SMYD3: variants seen among roughly 807,000 people sequenced by gnomAD.
SMYD3 encodes the protein histone-lysine N-methyltransferase SMYD3.
A neutral mutation model predicts 57.7 loss-of-function variants in SMYD3; 36 were observed. That is an observed-to-expected ratio of 0.62 (90% confidence interval 0.48 to 0.82). SMYD3 has a LOEUF of 0.82. SMYD3 is among the 40% of genes least tolerant of loss of function. SMYD3 has a pLI of 0.00. For synonymous variants in SMYD3, 211 were observed against 195.0 expected, an observed-to-expected ratio of 1.08 and a Z score of -0.68; for missense variants, 515 against 538.8, an observed-to-expected ratio of 0.96 and a Z score of 0.44.
chr1:245,911,437 C>T (rs1447602518), intron 8 of SMYD3, among the ~76,000 whole-genome samples: 1 of 150,804 alleles, frequency 6.6e-6, no homozygotes, highest in African/African-American at 2.4e-5. Context: ...CTGCACTATT[C>T]AAAATAGCCA....
At chr1:246,413,595 G>A (rs1266610696) in intron 1 of SMYD3, among the ~76,000 whole-genome samples, 2 of 152,084 alleles carry the variant, frequency 1.3e-5, no homozygotes, top group Non-Finnish European at 2.9e-5. Flanking sequence ...GATCTCTCGT[G>A]GCCCAGTGCT....
chr1:246,024,278 G>A (rs1471151446), intron 5 of SMYD3, among the ~76,000 whole-genome samples: 1 of 152,016 alleles, frequency 6.6e-6, no homozygotes, highest in African/African-American at 2.4e-5. Flanking sequence ...AACAACAAAA[G>A]GTTAAAGATG....
rs372910910 is a variant in SMYD3 at position 246,195,636 on chromosome 1, C to A, written c.531+131565G>T. On this transcript the variant is annotated intron_variant, in intron 5 of 11. Transcript: ENST00000490107. Reference sequence around the variant, plus strand: ...GCGCACACACACACACACACACGCACTGAAAGAATATTATAACCATTCACC... The same window carrying A: ...GCGCACACACACACACACACACGCAATGAAAGAATATTATAACCATTCACC... Among the ~76,000 whole-genome samples, 151 of 152,284 alleles carry A rather than the reference C, an allele frequency of 9.9e-4. 1 individual carries two copies. Among genetic ancestry groups the A allele is most frequent in the African/African-American group, 3.6e-3 (150 of 41,570 alleles).
At chr1:246,186,303 G>A (rs1433139067) in intron 5 of SMYD3, among the ~76,000 whole-genome samples, 2 of 152,128 alleles carry the variant, frequency 1.3e-5, no homozygotes, top group African/African-American at 4.8e-5. Flanking sequence ...TGCAAAACTA[G>A]TCAATATGCA....
intron 1 of SMYD3, among the ~76,000 whole-genome samples, chr1:246,496,697 G>A (rs145260456): frequency 0.017 from 2,549 of 152,154 alleles, 36 homozygotes; most frequent in Non-Finnish European, 0.026. Flanking sequence ...GCATGGTGGT[G>A]CATGCCTGTG....
chr1:246,460,552 C>T (rs2067783199), intron 1 of SMYD3, among the ~76,000 whole-genome samples: 1 of 152,148 alleles, frequency 6.6e-6, no homozygotes, highest in Admixed American at 6.5e-5. Context: ...GTATGTATAT[C>T]TCACTGTGGG....
chr1:246,309,605 T>C (rs2148629728), intron 5 of SMYD3, among the ~76,000 whole-genome samples: 1 of 152,280 alleles, frequency 6.6e-6, no homozygotes, highest in South Asian at 2.1e-4. Flanking sequence ...TGAAATTACA[T>C]TCAGAAAAAA....
At chr1:246,350,235 A>G (rs2065801647) in intron 2 of SMYD3, among the ~76,000 whole-genome samples, 1 of 152,188 alleles carries the variant, frequency 6.6e-6, no homozygotes, top group Non-Finnish European at 1.5e-5. Flanking sequence ...AATCATGGGC[A>G]TTTGTCACTG....
chr1:246,438,389 G>A (rs143847859), intron 1 of SMYD3, among the ~76,000 whole-genome samples: 3 of 152,104 alleles, frequency 2.0e-5, no homozygotes, highest in African/African-American at 7.2e-5. Flanking sequence ...ACCATCAAGA[G>A]CACAGGCTTA....
At chr1:245,852,370 G>A (rs1332937523) in intron 10 of SMYD3, among the ~76,000 whole-genome samples, 1 of 152,226 alleles carries the variant, frequency 6.6e-6, no homozygotes, top group African/African-American at 2.4e-5. Flanking sequence ...GGCAATGAAG[G>A]TCTTTACCCA....
At chr1:246,047,957 T>C (rs529770432) in intron 5 of SMYD3, among the ~76,000 whole-genome samples, 1 of 152,296 alleles carries the variant, frequency 6.6e-6, no homozygotes, top group Admixed American at 6.5e-5. Context: ...TATTCCAGTG[T>C]AAAAAATGTA....
chr1:246,117,983 G>T (rs952966772), intron 5 of SMYD3, among the ~76,000 whole-genome samples: 1 of 152,102 alleles, frequency 6.6e-6, no homozygotes, highest in Non-Finnish European at 1.5e-5. Context: ...ATAGGTCCTA[G>T]GAGGCAAAGA....
At chr1:246,222,620 C>A (rs1359132884) in intron 5 of SMYD3, among the ~76,000 whole-genome samples, 1 of 152,080 alleles carries the variant, frequency 6.6e-6, no homozygotes, top group African/African-American at 2.4e-5. Context: ...TTATGAAATC[C>A]TCCTTGATAA....
intron 1 of SMYD3, among the ~76,000 whole-genome samples, chr1:246,396,095 C>T (rs1208874292): frequency 6.6e-6 from 1 of 152,124 alleles, no homozygotes; most frequent in African/African-American, 2.4e-5. Flanking sequence ...GTCACTATAT[C>T]TCATCATGTA....
At chr1:246,436,590 G>C (rs2067378262) in intron 1 of SMYD3, among the ~76,000 whole-genome samples, 1 of 152,020 alleles carries the variant, frequency 6.6e-6, no homozygotes, top group Admixed American at 6.5e-5. Flanking sequence ...CCTTGTCTTT[G>C]ACACTTGATA....
At chr1:245,774,702 T>C (rs1174850283) in intron 10 of SMYD3, among the ~76,000 whole-genome samples, 22 of 124,468 alleles carry the variant, frequency 1.8e-4, no homozygotes, top group African/African-American at 5.7e-4. Flanking sequence ...CCTCTCCCTC[T>C]CCACGGTCTC....
At chr1:246,239,497 A>T (rs1457286539) in intron 5 of SMYD3, among the ~76,000 whole-genome samples, 2 of 151,572 alleles carry the variant, frequency 1.3e-5, no homozygotes, top group Non-Finnish European at 3.0e-5. Context: ...CAGTCTATGG[A>T]CACTTGGGTT....
At chr1:246,063,070 A>C (rs1218408389) in intron 5 of SMYD3, among the ~76,000 whole-genome samples, 2 of 152,202 alleles carry the variant, frequency 1.3e-5, no homozygotes, top group African/African-American at 4.8e-5. Context: ...CTTCAGTTTC[A>C]GTTATCTACT....
In SMYD3 at chr1:246,016,311, G is replaced by A. The variant is rs374310329; in HGVS notation, c.532-86374C>T. ...TAAAGAAACAGAACTGGCTGGGCGC[G>A]GTGGCTCATGCCTGTAATCCCAACA... On this transcript the variant is annotated intron_variant, in intron 5 of 11. Coordinates refer to ENST00000490107, the MANE Select transcript of SMYD3 (RefSeq NM_001167740.2). 5.3e-5 allele frequency among the ~76,000 whole-genome samples: 8 copies of A among 152,060 alleles called. No homozygotes were observed. The East Asian group carries it at 1.4e-3, about 26-fold the overall frequency.
Sources: gnomAD v4.1 joint callset for allele counts (sites outside exome capture counted in the v4.1 genomes callset) on GRCh38, gnomAD v4.1.1 for gene constraint, MANE v1.5 for transcripts, NCBI Gene and HGNC (gene_info 2026-07-23, HGNC 2026-07-21) for gene names.